Variants in MICU1 observed in about 807,000 individuals in gnomAD.
The protein encoded by MICU1 is mitochondrial calcium uptake 1.
In MICU1, 45 loss-of-function variants were observed where a neutral mutation model predicts 56.8. The ratio of observed to expected loss-of-function variants is 0.79; its 90% CI spans 0.62 to 1.02. The LOEUF is 1.02. MICU1 is among the 50% of genes least tolerant of loss of function. The pLI is 0.00. For missense variants in MICU1, 504 were observed against 587.1 expected, an observed-to-expected ratio of 0.86 and a Z score of 1.46; for synonymous variants, 186 against 195.1, an observed-to-expected ratio of 0.95 and a Z score of 0.39.
chr10:72,604,356 C>CT (rs1194187188), intron 1 of MICU1, among the ~76,000 whole-genome samples: 2 of 89,952 alleles, frequency 2.2e-5, no homozygotes, highest in Non-Finnish European at 5.5e-5. Context: ...TCACTGCAAC[C>CT]TCCCCCTCCT....
At chr10:72,410,518 C>G (rs963081343) in intron 9 of MICU1, among the ~76,000 whole-genome samples, 1 of 152,172 alleles carries the variant, frequency 6.6e-6, no homozygotes, top group Non-Finnish European at 1.5e-5. Context: ...ACTTGGGAGG[C>G]TGAGGCAGGA....
chr10:72,429,235 C>T (rs1394832758), intron 8 of MICU1, among the ~76,000 whole-genome samples: 1 of 151,834 alleles, frequency 6.6e-6, no homozygotes, highest in Non-Finnish European at 1.5e-5. Context: ...GCCTGGTCAA[C>T]ATGGTAAAAC....
intron 1 of MICU1, among the ~76,000 whole-genome samples, chr10:72,622,516 T>A (rs1023935656): frequency 6.6e-6 from 1 of 152,176 alleles, no homozygotes; most frequent in Non-Finnish European, 1.5e-5. Context: ...GAAACTACCA[T>A]ACAGTGGTGC....
At chr10:72,570,211 C>G (rs986155362) in intron 1 of MICU1, among the ~76,000 whole-genome samples, 1 of 152,212 alleles carries the variant, frequency 6.6e-6, no homozygotes, top group Non-Finnish European at 1.5e-5. Flanking sequence ...TCCCAAAGTG[C>G]TGGGATTACA....
intron 9 of MICU1, among the ~76,000 whole-genome samples, chr10:72,420,293 T>C (rs1170475090): frequency 1.3e-5 from 2 of 152,138 alleles, no homozygotes; most frequent in Non-Finnish European, 2.9e-5. Flanking sequence ...ACTCCCAACC[T>C]CAGGTGATTT....
intron 1 of MICU1, among the ~76,000 whole-genome samples, chr10:72,585,139 G>A (rs1234218722): frequency 2.7e-5 from 4 of 148,474 alleles, no homozygotes; most frequent in East Asian, 2.0e-4. Context: ...CCAGGCTGGC[G>A]TGCAGTGGTG....
At chr10:72,542,253 A>AT (rs969534069) in intron 4 of MICU1, among the ~76,000 whole-genome samples, 19 of 152,048 alleles carry the variant, frequency 1.2e-4, no homozygotes, top group African/African-American at 3.4e-4. Flanking sequence ...GCTTCTTGTG[A>AT]TTTTTTTTCA....
Position 72,375,796 on chromosome 10 carries a change from G to A in MICU1, c.1257C>T (p.Leu419=). The part of the protein sequence containing the change: ...SDHVCDVVFA[L]FDCDGNGELS... Reference sequence around the variant, plus strand: ...GGCCCCACTCACCATCACAGTCAAAGAGTGCAAACACCACATCACACACGT... The same window carrying A: ...GGCCCCACTCACCATCACAGTCAAAAAGTGCAAACACCACATCACACACGT... The change falls in exon 11 of 12, where the codon CTC becomes CTT. Residue 419 remains leucine, a synonymous_variant. Coordinates refer to ENST00000361114, the MANE Select transcript of MICU1 (RefSeq NM_001195518.2). 6.2e-7 allele frequency: 1 copy of A among 1,612,982 alleles called. No individual in the cohort carries two copies. Among genetic ancestry groups the A allele is most frequent in the Non-Finnish European group, 8.5e-7 (1 of 1,179,536 alleles).
chr10:72,617,637 G>C (rs1842013683), intron 1 of MICU1, among the ~76,000 whole-genome samples: 1 of 152,154 alleles, frequency 6.6e-6, no homozygotes, highest in Non-Finnish European at 1.5e-5. Flanking sequence ...TTTGAAACCA[G>C]CCTGTGCAAC....
At chr10:72,514,293 T>A (rs935473016) in intron 5 of MICU1, among the ~76,000 whole-genome samples, 3 of 152,206 alleles carry the variant, frequency 2.0e-5, no homozygotes, top group Admixed American at 2.0e-4. Context: ...CTAAAGTCTT[T>A]GAGTAGTACA....
chr10:72,457,324 C>A (rs1865503313), intron 8 of MICU1, among the ~76,000 whole-genome samples: 1 of 151,220 alleles, frequency 6.6e-6, no homozygotes, highest in African/African-American at 2.4e-5. Context: ...CTTAAGCAAT[C>A]CTCCTGCCTC....
At chr10:72,391,415 C>G (rs996027140) in intron 10 of MICU1, among the ~76,000 whole-genome samples, 1 of 150,756 alleles carries the variant, frequency 6.6e-6, no homozygotes, top group Admixed American at 6.6e-5. Flanking sequence ...CCAGCCTGGT[C>G]GACAGAGCAA....
chr10:72,464,819 A>G (rs1393652646), intron 8 of MICU1, among the ~76,000 whole-genome samples: 1 of 152,216 alleles, frequency 6.6e-6, no homozygotes, highest in Non-Finnish European at 1.5e-5. Context: ...AAGAAATTAA[A>G]TCAGAGTTTG....
At chr10:72,404,734 TTACA>T (rs1863572269) in intron 10 of MICU1, among the ~76,000 whole-genome samples, 1 of 152,090 alleles carries the variant, frequency 6.6e-6, no homozygotes, top group Non-Finnish European at 1.5e-5. Flanking sequence ...AACACAAACC[TTACA>T]TATTTACTTA....
chr10:72,530,560 C>A (rs1390324356), intron 5 of MICU1, among the ~76,000 whole-genome samples: 1 of 151,884 alleles, frequency 6.6e-6, no homozygotes, highest in African/African-American at 2.4e-5. Context: ...CCAGTGGTAA[C>A]CATAGCTGTT....
At chr10:72,369,099 G>A (rs1434848887) in intron 11 of MICU1, among the ~76,000 whole-genome samples, 3 of 151,958 alleles carry the variant, frequency 2.0e-5, no homozygotes, top group Non-Finnish European at 2.9e-5. Flanking sequence ...ACAATATAGC[G>A]AGACCCTGTC....
At chr10:72,448,806 C>T (rs1419324377) in intron 8 of MICU1, among the ~76,000 whole-genome samples, 3 of 152,038 alleles carry the variant, frequency 2.0e-5, no homozygotes, top group African/African-American at 4.8e-5. Context: ...ACCATGAAGT[C>T]CTTTAATGAT....
intron 11 of MICU1, among the ~76,000 whole-genome samples, chr10:72,371,123 C>G (rs564598863): frequency 6.6e-6 from 1 of 151,886 alleles, no homozygotes; most frequent in Admixed American, 6.6e-5. Context: ...CAGTGGCTCA[C>G]GCCTATAATC....
At chr10:72,502,145 T>TG (rs746344396) in intron 6 of MICU1, among the ~76,000 whole-genome samples, 205 of 106,152 alleles carry the variant, frequency 1.9e-3, no homozygotes, top group Non-Finnish European at 4.7e-3. Context: ...TTTGTTTTGC[T>TG]GTTTTTTTTT....
Sources: allele counts gnomAD v4.1 joint callset (sites outside exome capture counted in the v4.1 genomes callset), GRCh38; gene constraint gnomAD v4.1.1; transcripts MANE v1.5; gene names NCBI Gene and HGNC (gene_info 2026-07-23, HGNC 2026-07-21).